XPR1: variants seen among roughly 807,000 people sequenced by gnomAD.
XPR1 encodes the protein solute carrier family 53 member 1.
In XPR1, 28 loss-of-function variants were observed where a neutral mutation model predicts 87.5. The observed-to-expected ratio is 0.32, with a 90% CI of 0.24 to 0.44. XPR1 has a LOEUF of 0.44. Ranked by LOEUF, XPR1 falls within the 20% of genes least tolerant of loss-of-function variation. XPR1 has a pLI of 1.00. For synonymous variants in XPR1, 300 were observed against 306.1 expected, an observed-to-expected ratio of 0.98 and a Z score of 0.21; for missense variants, 559 against 862.3, an observed-to-expected ratio of 0.65 and a Z score of 4.41.
chr1:180,835,033 A>G lies in XPR1; in HGVS notation c.1294A>G (p.Asn432Asp), dbSNP rs750903340. ...KWDESKGLLP[N>D]NSEESGICHK... ...GGATGAAAGTAAGGGCCTGTTGCCA[A>G]ATAATTCAGAAGGTAGGGTATGAAT... The change falls in exon 10 of 15, where the codon AAT (asparagine) becomes GAT (aspartate). Residue 432 changes from asparagine to aspartate, a missense_variant. By Grantham distance (23) the Asn-to-Asp change is conservative. Transcript: ENST00000367590. 2.5e-6 allele frequency: 4 copies of G among 1,613,754 alleles called. No homozygotes were observed. In the Admixed American group the frequency reaches 5.0e-5, roughly 20 times the overall value.
chr1:180,688,883 C>T (rs557168167), intron 2 of XPR1, among the ~76,000 whole-genome samples: 1 of 152,152 alleles, frequency 6.6e-6, no homozygotes, highest in African/African-American at 2.4e-5. Flanking sequence ...TGCCTGTCTT[C>T]CCTCTTTCCC....
intron 11 of XPR1, among the ~76,000 whole-genome samples, chr1:180,856,122 AATCT>A (rs1291981479): frequency 2.0e-5 from 3 of 152,172 alleles, no homozygotes; most frequent in East Asian, 1.9e-4. Flanking sequence ...TCAAAACAGT[AATCT>A]ATCTATTCTT....
chr1:180,664,356 T>C (rs937791316), intron 1 of XPR1, among the ~76,000 whole-genome samples: 8 of 152,204 alleles, frequency 5.3e-5, no homozygotes, highest in African/African-American at 1.9e-4. Flanking sequence ...CAGCAGATGA[T>C]GAATCCTGCC....
At chr1:180,658,822 G>C (rs1291101591) in intron 1 of XPR1, among the ~76,000 whole-genome samples, 2 of 151,922 alleles carry the variant, frequency 1.3e-5, no homozygotes, top group South Asian at 4.2e-4. Context: ...ACCCGCCTCG[G>C]CCTCCCAAAG....
At chr1:180,664,483 C>G (rs1301741623) in intron 1 of XPR1, among the ~76,000 whole-genome samples, 1 of 152,206 alleles carries the variant, frequency 6.6e-6, no homozygotes, top group Non-Finnish European at 1.5e-5. Flanking sequence ...GCCCAGTGTC[C>G]TTTCCTACTG....
chr1:180,849,094 C>T (rs1345136759), intron 11 of XPR1, among the ~76,000 whole-genome samples: 2 of 152,122 alleles, frequency 1.3e-5, no homozygotes, highest in South Asian at 2.1e-4. Context: ...ACTAGAATCA[C>T]GATTAAAGGT....
In XPR1 at chr1:180,664,046, T is replaced by C. The variant is rs573081085; in HGVS notation, c.70-18314T>C. ...CGCTTCAGGTCAGTGGACTCCCCTC[T>C]GGCACAGGGTAGGTCTAGAGATGCT... On this transcript the variant is annotated intron_variant, in intron 1 of 14. Coordinates refer to ENST00000367590, the MANE Select transcript of XPR1 (RefSeq NM_004736.4). 5.3e-5 allele frequency among the ~76,000 whole-genome samples: 8 copies of C among 152,300 alleles called. No homozygotes were observed. In the South Asian group the frequency reaches 1.4e-3, roughly 28 times the overall value.
At chr1:180,758,395 A>G (rs1466725067) in intron 2 of XPR1, among the ~76,000 whole-genome samples, 1 of 152,200 alleles carries the variant, frequency 6.6e-6, no homozygotes, top group Admixed American at 6.5e-5. Flanking sequence ...ATTTATTACC[A>G]CTGAAGTATA....
At chr1:180,872,599 C>G (rs1341007150) in intron 12 of XPR1, among the ~76,000 whole-genome samples, 1 of 114,930 alleles carries the variant, frequency 8.7e-6, no homozygotes, top group Non-Finnish European at 1.8e-5. Context: ...TCCGTCACCC[C>G]TTTCTTTGAC....
chr1:180,847,292 A>T (rs1651717912), intron 11 of XPR1, among the ~76,000 whole-genome samples: 2 of 152,226 alleles, frequency 1.3e-5, no homozygotes, highest in Non-Finnish European at 1.5e-5. Context: ...TAAATCTGTC[A>T]TTAAACTTTC....
chr1:180,698,282 T>C (rs998906514), intron 2 of XPR1, among the ~76,000 whole-genome samples: 1 of 152,124 alleles, frequency 6.6e-6, no homozygotes. Flanking sequence ...CGGGAGATAT[T>C]TTTTTCCTTC....
intron 3 of XPR1, among the ~76,000 whole-genome samples, chr1:180,801,892 A>G (rs7524525): frequency 0.024 from 3,708 of 151,686 alleles, 157 homozygotes; most frequent in African/African-American, 0.084. Flanking sequence ...TGCCTCCCGA[A>G]TTCAAGCAAT....
At chr1:180,642,747 G>A (rs3845406) in intron 1 of XPR1, among the ~76,000 whole-genome samples, 111,846 of 151,986 alleles carry the variant, frequency 0.74, 41,635 homozygotes, top group African/African-American at 0.8. Context: ...GTGGTCTCCT[G>A]ATCACAGTAT....
chr1:180,766,197 A>G (rs1312455253), intron 2 of XPR1, among the ~76,000 whole-genome samples: 3 of 152,186 alleles, frequency 2.0e-5, no homozygotes, highest in Non-Finnish European at 4.4e-5. Context: ...CCCTAATGCT[A>G]TGAGACCAAT....
chr1:180,851,653 T>C (rs780057202), intron 11 of XPR1, among the ~76,000 whole-genome samples: 27 of 152,126 alleles, frequency 1.8e-4, no homozygotes, highest in Non-Finnish European at 1.3e-4. Flanking sequence ...GTTGATCAAA[T>C]GTGTAACAGA....
intron 10 of XPR1, among the ~76,000 whole-genome samples, chr1:180,835,494 G>GCCCCCC (rs1157651670): frequency 2.0e-5 from 3 of 149,006 alleles, no homozygotes; most frequent in African/African-American, 7.8e-5. Flanking sequence ...GGCCGTTTTC[G>GCCCCCC]CACCCCCCCC....
In XPR1 at chr1:180,731,356, G is replaced by A. The variant is rs926583221; in HGVS notation, c.121+48945G>A. ...CTGCGGCCGAGGGGATGGAAGCTCA[G>A]TCTCAAATCCATCTCCCTGACTGAC... On this transcript the variant is annotated intron_variant, in intron 2 of 14. Coordinates refer to ENST00000367590, the MANE Select transcript of XPR1 (RefSeq NM_004736.4). 3.9e-5 allele frequency among the ~76,000 whole-genome samples: 6 copies of A among 152,180 alleles called. No homozygotes were observed. The East Asian group carries it at 7.7e-4, about 19-fold the overall frequency.
intron 2 of XPR1, among the ~76,000 whole-genome samples, chr1:180,710,557 T>G (rs1657728221): frequency 6.6e-6 from 1 of 152,118 alleles, no homozygotes; most frequent in Non-Finnish European, 1.5e-5. Context: ...GCAGAAGAAT[T>G]TTTCTTAGTA....
In XPR1 at chr1:180,863,848, C is replaced by T. The variant is rs1222128792; in HGVS notation, c.1642C>T (p.Arg548Trp). The T allele has an allele frequency of 6.2e-7, 1 of 1,602,306 alleles. No homozygotes were observed. Among genetic ancestry groups the T allele is most frequent in the Non-Finnish European group, 8.5e-7 (1 of 1,176,392 alleles). Residue 548 changes from arginine (R) to tryptophan (W), a missense_variant, in exon 12 of 15, where the codon CGG (arginine) becomes TGG (tryptophan). Transcript: ENST00000367590. ...DKNAGENTFLREEIVYPQKAY... is the reference protein window; with the variant it reads ...DKNAGENTFLWEEIVYPQKAY... ...GAATGCTGGAGAGAACACTTTCCTC[C>T]GGGAAGAGATTGTATACCCCCAAAA... is the stretch of plus-strand genomic sequence containing the variant.
Sources: allele counts gnomAD v4.1 joint callset (sites outside exome capture counted in the v4.1 genomes callset), GRCh38; gene constraint gnomAD v4.1.1; transcripts MANE v1.5; gene names NCBI Gene and HGNC (gene_info 2026-07-23, HGNC 2026-07-21).